Variants in SUPT3H observed in about 807,000 individuals in gnomAD.
The protein encoded by SUPT3H is transcription initiation protein SPT3 homolog.
Under a neutral mutation model 44.3 loss-of-function variants are expected in SUPT3H, and 44 were observed. The ratio of observed to expected loss-of-function variants is 0.99; its 90% CI spans 0.78 to 1.28. The LOEUF (loss-of-function observed/expected upper bound fraction) is 1.28. SUPT3H is among the 50% of genes most tolerant of loss of function. SUPT3H has a pLI of 0.00. For missense variants in SUPT3H, 380 were observed against 387.1 expected (o/e 0.98, Z 0.15); for synonymous variants, 124 against 125.6 (o/e 0.99, Z 0.09).
At chr6:45,108,555 C>T (rs1799613982) in intron 2 of SUPT3H, among the ~76,000 whole-genome samples, 1 of 151,986 alleles carries the variant, frequency 6.6e-6, no homozygotes, top group African/African-American at 2.4e-5. Context: ...ATTAATATAA[C>T]TACATTAATT....
chr6:45,305,882 C>CTT (rs1782910101), intron 2 of SUPT3H, among the ~76,000 whole-genome samples: 1 of 152,230 alleles, frequency 6.6e-6, no homozygotes, highest in Non-Finnish European at 1.5e-5. Context: ...ATTCCCTGGG[C>CTT]TAAAAGCCAA....
At chr6:44,952,426 G>T (rs1714196836) in intron 9 of SUPT3H, among the ~76,000 whole-genome samples, 1 of 152,196 alleles carries the variant, frequency 6.6e-6, no homozygotes, top group Non-Finnish European at 1.5e-5. Flanking sequence ...CACTATCCTT[G>T]CCTATAGATA....
At chr6:44,920,620 T>C (rs189440526) in intron 10 of SUPT3H, among the ~76,000 whole-genome samples, 26 of 151,862 alleles carry the variant, frequency 1.7e-4, no homozygotes, top group East Asian at 7.7e-4. Flanking sequence ...AGACAAAAAT[T>C]TGTATAACTA....
chr6:44,810,922 T>A (rs918697244), intron 11 of SUPT3H, among the ~76,000 whole-genome samples: 10 of 145,700 alleles, frequency 6.9e-5, no homozygotes, highest in Admixed American at 3.4e-4. Flanking sequence ...AAAAAAAAAA[T>A]TTATATTAGA....
At chr6:45,006,521 T>C (rs1782741203) in intron 5 of SUPT3H, among the ~76,000 whole-genome samples, 1 of 152,128 alleles carries the variant, frequency 6.6e-6, no homozygotes, top group African/African-American at 2.4e-5. Flanking sequence ...TCTTTTCTGG[T>C]TGGACACATT....
At chr6:44,982,676 ATCTCTCC>A (rs1779264854) in intron 6 of SUPT3H, among the ~76,000 whole-genome samples, 1 of 132,026 alleles carries the variant, frequency 7.6e-6, no homozygotes, top group Admixed American at 8.1e-5. Context: ...TTAGTCTCCT[ATCTCTCC>A]TCTATCTTGC....
intron 10 of SUPT3H, among the ~76,000 whole-genome samples, chr6:44,908,212 A>G (rs1640768): frequency 7.1e-6 from 1 of 140,138 alleles, no homozygotes; most frequent in Non-Finnish European, 1.5e-5. Flanking sequence ...AGTGCAGTGG[A>G]GCTATCTGAG....
chr6:45,180,601 A>G (rs1232615913), intron 2 of SUPT3H, among the ~76,000 whole-genome samples: 2 of 151,788 alleles, frequency 1.3e-5, no homozygotes, highest in Non-Finnish European at 2.9e-5. Flanking sequence ...AAACCTGAGA[A>G]AAACAAGCAA....
chr6:45,303,099 A>C (rs1159685804), intron 2 of SUPT3H, among the ~76,000 whole-genome samples: 1 of 152,182 alleles, frequency 6.6e-6, no homozygotes, highest in East Asian at 1.9e-4. Context: ...CTTATCTCTC[A>C]CCTTATACAA....
At chr6:45,295,874 T>C (rs576660969) in intron 2 of SUPT3H, among the ~76,000 whole-genome samples, 1 of 152,152 alleles carries the variant, frequency 6.6e-6, no homozygotes, top group Non-Finnish European at 1.5e-5. Context: ...TCTACACTGC[T>C]GGTGGGAGTA....
chr6:45,111,662 A>G (rs746182225), intron 2 of SUPT3H, among the ~76,000 whole-genome samples: 2 of 152,180 alleles, frequency 1.3e-5, no homozygotes, highest in Non-Finnish European at 2.9e-5. Flanking sequence ...TCAAAACAGA[A>G]ACAAATAGCA....
intron 3 of SUPT3H, among the ~76,000 whole-genome samples, chr6:45,064,656 A>G (rs1356288914): frequency 7.6e-6 from 1 of 131,484 alleles, no homozygotes. Flanking sequence ...CAGGGGTTGC[A>G]ATCCTAGTCT....
chr6:45,043,142 T>TACACACACACACACACACAC (rs59321114), intron 3 of SUPT3H, among the ~76,000 whole-genome samples: 14 of 146,750 alleles, frequency 9.5e-5, no homozygotes, highest in African/African-American at 2.0e-4. Context: ...CATACACACA[T>TACACACACACACACACACAC]ACACACACAC....
chr6:45,377,487 C>G (rs1282609018), intron 1 of SUPT3H: 2 of 152,274 alleles, frequency 1.3e-5, no homozygotes, highest in Non-Finnish European at 2.9e-5. Context: ...GCCCAGCCCC[C>G]CTCACCCCAC....
In SUPT3H at chr6:44,953,721, C is replaced by CTTATT. The variant is rs569662937; in HGVS notation, c.694-309_694-305dup. Among the ~76,000 whole-genome samples, 12 of 152,040 alleles carry CTTATT rather than the reference C, an allele frequency of 7.9e-5. 1 individual carries two copies. The highest frequency in any genetic ancestry group is 1.3e-4 in the Non-Finnish European group (9 of 67,964). ...TTTAAGCATATAGTCTAGGAATTTG[C>CTTATT]TTATTTTATTTTATTTTATTAATTT... On this transcript the variant is annotated intron_variant, in intron 8 of 10. Transcript: ENST00000371459.
intron 2 of SUPT3H, among the ~76,000 whole-genome samples, chr6:45,128,580 A>G (rs1749571682): frequency 7.5e-6 from 1 of 132,832 alleles, no homozygotes; most frequent in Non-Finnish European, 1.6e-5. Flanking sequence ...ACACACACAC[A>G]CACATACACA....
intron 2 of SUPT3H, among the ~76,000 whole-genome samples, chr6:45,341,290 C>A (rs1040278872): frequency 6.6e-6 from 1 of 152,056 alleles, no homozygotes; most frequent in African/African-American, 2.4e-5. Flanking sequence ...TGATTAGAAA[C>A]CATAGGTTAT....
At position 45,162,956 on chromosome 6, in the gene SUPT3H, T is replaced by A. The variant is rs1017755420; in HGVS notation, c.102-56950A>T. On this transcript the variant is annotated intron_variant, in intron 2 of 10. Transcript: ENST00000371459. ...CAAAGACTGTCTGCATCCCTGGAGA[T>A]CTGTAGGGTGTGAAGTGACAATTAT... Among the ~76,000 whole-genome samples, 3 of 152,104 alleles carry A rather than the reference T, an allele frequency of 2.0e-5. No homozygotes were observed. The East Asian group carries it at 5.8e-4, about 29-fold the overall frequency.
chr6:45,233,407 G>T lies in SUPT3H; in HGVS notation c.102-127401C>A, dbSNP rs181855620. Among the ~76,000 whole-genome samples the T allele has an allele frequency of 2.3e-3, 353 of 152,344 alleles. 1 individual carries two copies. The highest frequency in any genetic ancestry group is 7.7e-3 in the African/African-American group (322 of 41,590). On this transcript the variant is annotated intron_variant, in intron 2 of 10. Coordinates refer to ENST00000371459, the MANE Select transcript of SUPT3H (RefSeq NM_003599.4). ...ACTCAAGTCTCAGGTGTGTGAGTGA[G>T]CCAGCGTGAGTACCCTGTCCAGTCT...
Sources: allele counts gnomAD v4.1 joint callset (sites outside exome capture counted in the v4.1 genomes callset), GRCh38; gene constraint gnomAD v4.1.1; transcripts MANE v1.5; gene names NCBI Gene and HGNC (gene_info 2026-07-23, HGNC 2026-07-21).